Variants in RP1L1 observed in about 807,000 individuals in gnomAD.
RP1L1 encodes retinitis pigmentosa 1-like 1 protein.
In RP1L1, 27 loss-of-function variants were observed where a neutral mutation model predicts 15.7. That is an observed-to-expected ratio of 1.72 (90% CI 1.27 to 2.38). The LOEUF is 2.38. Ranked by LOEUF, RP1L1 falls within the 30% of genes most tolerant of loss-of-function variation. The pLI, the probability that RP1L1 is intolerant of heterozygous loss-of-function variation, is 0.00. For missense variants in RP1L1, 4,798 were observed against 3,075.9 expected (o/e 1.56, Z -13.24); for synonymous variants, 1,813 against 1,276.7 (o/e 1.42, Z -8.96).
chr8:10,614,408 C>T (rs1362474297), intron 3 of RP1L1, among the ~76,000 whole-genome samples: 3 of 152,012 alleles, frequency 2.0e-5, no homozygotes, highest in East Asian at 1.9e-4. Context: ...GCCTGTAATC[C>T]CAACACTTTG....
rs761399184 is a variant in RP1L1, at chr8:10,612,211, G to C, written c.1887C>G (p.Ser629=). The C allele has an allele frequency of 3.7e-6, 6 of 1,613,250 alleles. No homozygotes were observed. In the South Asian group the frequency reaches 6.6e-5, roughly 18 times the overall value. Residue 629 remains serine, a synonymous_variant, in exon 4 of 4, where the codon TCC becomes TCG. Transcript: ENST00000382483. ...GCCCCTGCTGGGATGAAGTGCAGGTGGAAGGGGTGGAAGAGGCTCCTTCCG... is the reference window on the plus strand; with the variant it reads ...GCCCCTGCTGGGATGAAGTGCAGGTCGAAGGGGTGGAAGAGGCTCCTTCCG... ...WDSEGASSTP[S]TCTSSQQGQR...
At position 10,610,322 on chromosome 8, in the gene RP1L1, G is replaced by A. The variant is rs773051863; in HGVS notation, c.3776C>T (p.Pro1259Leu). ...DLENQQQCCF[P>L]TFLNARACAC... ...GCAGGCTCGGGCGTTCAAGAAGGTT[G>A]GGAAACAACACTGCTGTTGGTTTTC... Residue 1259 changes from proline to leucine, a missense_variant, in exon 4 of 4, where the codon CCA becomes CTA. Pro to Leu is a moderately conservative substitution (Grantham distance 98, BLOSUM62 -3). Coordinates refer to ENST00000382483, the MANE Select transcript of RP1L1 (RefSeq NM_178857.6). 1 of 1,614,034 alleles carries A rather than the reference G, an allele frequency of 6.2e-7. No homozygotes were observed. Among genetic ancestry groups the A allele is most frequent in the African/African-American group, 1.3e-5 (1 of 74,904 alleles).
Position 10,609,173 on chromosome 8 carries a change from G to A in RP1L1, c.4925C>T (p.Ala1642Val), listed in dbSNP as rs1361812646. ...TLEDEPALST[A>V]LGSQLGEEAE... is the part of the protein sequence containing the mutation. ...CTCCTCGCCCAGCTGGCTCCCCAGG[G>A]CTGTGCTGAGGGCTGGCTCGTCCTC... Residue 1642 changes from alanine (A) to valine (V), a missense_variant, in exon 4 of 4, where the codon GCC becomes GTC. Physicochemically the swap from Ala to Val is moderately conservative, Grantham distance 64. Coordinates refer to ENST00000382483, the MANE Select transcript of RP1L1 (RefSeq NM_178857.6). 3 of 1,612,438 alleles carry A rather than the reference G, an allele frequency of 1.9e-6. No individual in the cohort carries two copies. In the South Asian group the frequency reaches 3.3e-5, roughly 18 times the overall value.
chr8:10,625,096 A>G (rs1391406033), intron 1 of RP1L1, among the ~76,000 whole-genome samples: 1 of 152,214 alleles, frequency 6.6e-6, no homozygotes, highest in Non-Finnish European at 1.5e-5. Context: ...CAATCAGCTG[A>G]TACGCAAAAT....
intron 1 of RP1L1, among the ~76,000 whole-genome samples, chr8:10,634,876 A>T (rs1268390730): frequency 6.6e-6 from 1 of 152,078 alleles, no homozygotes; most frequent in Non-Finnish European, 1.5e-5. Context: ...TCCTCAAGGG[A>T]CACCAAGGGT....
Position 10,610,553 on chromosome 8 carries a change from G to A in RP1L1, c.3545C>T (p.Pro1182Leu), listed in dbSNP as rs531405409. 3.7e-6 allele frequency: 6 copies of A among 1,613,712 alleles called. No homozygotes were observed. The African/African-American group carries it at 6.7e-5, about 18-fold the overall frequency. The part of the protein sequence containing the change: ...LWELTWSQAL[P>L]DLGSHAMTEN... Reference sequence around the variant, plus strand: ...CGTCATGGCATGGGACCCAAGGTCTGGCAGAGCCTGGCTCCATGTGAGCTC... The same window carrying A: ...CGTCATGGCATGGGACCCAAGGTCTAGCAGAGCCTGGCTCCATGTGAGCTC... Residue 1182 changes from proline to leucine, a missense_variant, in exon 4 of 4, where the codon CCA (proline) becomes CTA (leucine). Coordinates refer to ENST00000382483, the MANE Select transcript of RP1L1 (RefSeq NM_178857.6).
chr8:10,612,529 C>T lies in RP1L1; in HGVS notation c.1569G>A (p.Pro523=), dbSNP rs1055763854. 20 of 1,610,484 alleles carry T rather than the reference C, an allele frequency of 1.2e-5. No individual in the cohort carries two copies. Among genetic ancestry groups the T allele is most frequent in the Non-Finnish European group, 1.4e-5 (17 of 1,179,502 alleles). The part of the protein sequence containing the change: ...GGPEQGGRLT[P]RARSEEGASS... ...AAGCCCCCTCCTCACTCCGGGCCCT[C>T]GGTGTCAGGCGGCCGCCTTGCTCTG... is the stretch of plus-strand genomic sequence containing the variant. Residue 523 remains proline (P), a synonymous_variant, in exon 4 of 4, where the codon CCG becomes CCA. Coordinates refer to ENST00000382483, the MANE Select transcript of RP1L1 (RefSeq NM_178857.6).
Position 10,623,007 on chromosome 8 carries a change from C to G in RP1L1, c.195G>C (p.Met65Ile), listed in dbSNP as rs765948539. The G allele has an allele frequency of 3.7e-6, 6 of 1,614,154 alleles. No homozygotes were observed. Among genetic ancestry groups the G allele is most frequent in the Non-Finnish European group, 5.1e-6 (6 of 1,180,044 alleles). ...GAGGCACGCGCTGGGAGAGCTCGTC[C>G]ATGAGGGCGCTGAAGGTCTTAAAGG... Reference protein sequence around the residue: ...QRAFKTFSALMDELSQRVPLS... With the variant: ...QRAFKTFSALIDELSQRVPLS... Residue 65 changes from methionine (M) to isoleucine (I), a missense_variant, in exon 2 of 4, where the codon ATG becomes ATC. Coordinates refer to ENST00000382483, the MANE Select transcript of RP1L1 (RefSeq NM_178857.6).
intron 1 of RP1L1, among the ~76,000 whole-genome samples, chr8:10,635,828 G>A (rs1023673193): frequency 6.6e-6 from 1 of 152,244 alleles, no homozygotes; most frequent in African/African-American, 2.4e-5. Flanking sequence ...ACGGAGCGCT[G>A]AGAGTGGGGA....
At chr8:10,641,632 G>A (rs950989665) in intron 1 of RP1L1, among the ~76,000 whole-genome samples, 1 of 152,150 alleles carries the variant, frequency 6.6e-6, no homozygotes, top group Non-Finnish European at 1.5e-5. Flanking sequence ...ATGTAAAATG[G>A]ACCATGTGAT....
rs764877586 is a variant in RP1L1, at chr8:10,609,288, G to C, written c.4810C>G (p.Gln1604Glu). 98 of 1,610,518 alleles carry C rather than the reference G, an allele frequency of 6.1e-5. No homozygotes were observed. Among genetic ancestry groups the C allele is most frequent in the Non-Finnish European group, 7.0e-5 (82 of 1,179,738 alleles). The stretch of plus-strand genomic sequence containing the variant: ...CCCCGGAGACGGTGTCTGCGCTGCT[G>C]GGTCTGCAGGAGCAGCTCCCCGGTG... ...ALTGELLLQTQQRRHRLRGLR... is the reference protein window; with the variant it reads ...ALTGELLLQTEQRRHRLRGLR... The change falls in exon 4 of 4, where the codon CAG (glutamine) becomes GAG (glutamate). Residue 1604 changes from glutamine to glutamate, a missense_variant. By Grantham distance (29) the Gln-to-Glu change is conservative. Coordinates refer to ENST00000382483, the MANE Select transcript of RP1L1 (RefSeq NM_178857.6).
At position 10,612,856 on chromosome 8, in the gene RP1L1, G is replaced by A. The variant is rs367770787; in HGVS notation, c.1242C>T (p.Ala414=). 4 of 1,612,754 alleles carry A rather than the reference G, an allele frequency of 2.5e-6. No individual in the cohort carries two copies. Among genetic ancestry groups the A allele is most frequent in the Non-Finnish European group, 3.4e-6 (4 of 1,179,940 alleles). The change falls in exon 4 of 4, where the codon GCC becomes GCT. Residue 414 remains alanine, a synonymous_variant. Coordinates refer to ENST00000382483, the MANE Select transcript of RP1L1 (RefSeq NM_178857.6). ...GAGCTGCCACTCTCTCTCCCTGGGA[G>A]GCATGCAGGGGATTCGTCCAGATTT... The part of the protein sequence containing the change: ...KYEIWTNPLH[A]SQGERVAARK...
chr8:10,641,641 A>G (rs140809878), intron 1 of RP1L1, among the ~76,000 whole-genome samples: 1 of 152,350 alleles, frequency 6.6e-6, no homozygotes, highest in Admixed American at 6.5e-5. Flanking sequence ...GGACCATGTG[A>G]TTGAGCACTT....
intron 1 of RP1L1, among the ~76,000 whole-genome samples, chr8:10,623,680 G>A (rs1440234044): frequency 4.7e-5 from 7 of 150,334 alleles, no homozygotes; most frequent in Non-Finnish European, 5.9e-5. Context: ...CACATCTGTA[G>A]CACCTCCATG....
chr8:10,620,573 C>T (rs4620243), intron 2 of RP1L1, among the ~76,000 whole-genome samples: 145,802 of 152,192 alleles, frequency 0.96, 70,140 homozygotes, highest in Non-Finnish European at 1. Flanking sequence ...GCCACTGCAC[C>T]CCAGCCTGGG....
rs755034423 is a variant in RP1L1 at position 10,611,804 on chromosome 8, T to C, written c.2294A>G (p.Asp765Gly). 3.1e-6 allele frequency: 5 copies of C among 1,613,556 alleles called. No homozygotes were observed. Among genetic ancestry groups the C allele is most frequent in the Non-Finnish European group, 4.2e-6 (5 of 1,180,006 alleles). The change falls in exon 4 of 4, where the codon GAC (aspartate) becomes GGC (glycine). Residue 765 changes from aspartate (D) to glycine (G), a missense_variant. Asp to Gly is a moderately conservative substitution (Grantham distance 94). Transcript: ENST00000382483. ...CGGCGAGCATGTCCTGGACCCCGCG[T>C]CCCCTGCCCACCCGGCAGAGGGAGC... is the stretch of plus-strand genomic sequence containing the variant. ...HNAPSAGWAG[D>G]AGSRTCSPAP...
intron 2 of RP1L1, among the ~76,000 whole-genome samples, chr8:10,618,438 C>A (rs911587447): frequency 6.6e-6 from 1 of 152,120 alleles, no homozygotes; most frequent in African/African-American, 2.4e-5. Flanking sequence ...ACCCTGGAAG[C>A]GGAGGATGCA....
At chr8:10,620,657 G>C (rs529187938) in intron 2 of RP1L1, among the ~76,000 whole-genome samples, 1 of 152,160 alleles carries the variant, frequency 6.6e-6, no homozygotes, top group Non-Finnish European at 1.5e-5. Context: ...AAGCTGAGAC[G>C]GTCACCTTGG....
At chr8:10,637,940 C>A (rs987665211) in intron 1 of RP1L1, among the ~76,000 whole-genome samples, 16 of 152,346 alleles carry the variant, frequency 1.1e-4, no homozygotes, top group African/African-American at 3.4e-4. Flanking sequence ...GACAGCCCCA[C>A]CCTCCTGCCT....
Sources: gnomAD v4.1 joint callset for allele counts (sites outside exome capture counted in the v4.1 genomes callset) on GRCh38, gnomAD v4.1.1 for gene constraint, MANE v1.5 for transcripts, NCBI Gene and HGNC (gene_info 2026-07-23, HGNC 2026-07-21) for gene names.